Variants in CSNK1G1 observed in about 807,000 individuals in gnomAD.
CSNK1G1 encodes the protein casein kinase 1 gamma 1, also known as casein kinase I isoform gamma-1.
Under a neutral mutation model 59.6 loss-of-function variants are expected in CSNK1G1, and 22 were observed. The ratio of observed to expected loss-of-function variants is 0.37; its 90% CI spans 0.26 to 0.53. The LOEUF (loss-of-function observed/expected upper bound fraction) is 0.53, where lower values mean the gene tolerates loss of function less well. Among genes scored for constraint, CSNK1G1 ranks in the 20% least tolerant of loss-of-function variants. The pLI is 0.89. For missense variants in CSNK1G1, 384 were observed against 519.5 expected (o/e 0.74, Z 2.54); for synonymous variants, 179 against 177.1 (o/e 1.01, Z -0.08).
At chr15:64,297,842 T>C (rs1895111650) in intron 2 of CSNK1G1, among the ~76,000 whole-genome samples, 1 of 152,192 alleles carries the variant, frequency 6.6e-6, no homozygotes, top group African/African-American at 2.4e-5. Flanking sequence ...CTTTGGAATT[T>C]TGTAGTTTAC....
chr15:64,244,961 G>A (rs1891672738), intron 4 of CSNK1G1, among the ~76,000 whole-genome samples: 1 of 152,144 alleles, frequency 6.6e-6, no homozygotes, highest in Middle Eastern at 3.2e-3. Flanking sequence ...GAAGAGAGGA[G>A]AGAACCCAGA....
rs576169855 is a variant in CSNK1G1 at position 64,282,925 on chromosome 15, T to G, written c.181+17394A>C. Among the ~76,000 whole-genome samples the G allele has an allele frequency of 9.8e-5, 15 of 152,350 alleles. No individual in the cohort carries two copies. The South Asian group carries it at 1.2e-3, about 13-fold the overall frequency. On this transcript the variant is annotated intron_variant, in intron 2 of 11. Transcript: ENST00000303052. ...AATGTTGAGCATCAAGTCATATGCT[T>G]ACTAGTCATCCTTACATTGTTTCTG...
intron 4 of CSNK1G1, among the ~76,000 whole-genome samples, chr15:64,230,911 T>C (rs2082539318): frequency 6.6e-6 from 1 of 151,488 alleles, no homozygotes; most frequent in African/African-American, 2.4e-5. Context: ...GAGGCAGAGG[T>C]TGCAGTGAGC....
chr15:64,333,433 C>CAAAAAAAAAA (rs59451869), intron 1 of CSNK1G1, among the ~76,000 whole-genome samples: 1 of 23,086 alleles, frequency 4.3e-5, no homozygotes, highest in African/African-American at 2.4e-4. Flanking sequence ...GACACCATCT[C>CAAAAAAAAAA]AAAAAAAAAA....
At chr15:64,204,683 C>G in intron 8 of CSNK1G1, 94 bp from the exon 9 acceptor site, 1 of 1,364,176 alleles carries the variant, frequency 7.3e-7, no homozygotes, top group South Asian at 1.2e-5. Context: ...GTTATTTATA[C>G]AGACAATTTG....
At chr15:64,221,338 C>G (rs1258181674) in intron 4 of CSNK1G1, among the ~76,000 whole-genome samples, 1 of 152,144 alleles carries the variant, frequency 6.6e-6, no homozygotes, top group Non-Finnish European at 1.5e-5. Context: ...TCTAGATTAT[C>G]TTTTGCCAGA....
chr15:64,229,128 T>C (rs2082505680), intron 4 of CSNK1G1, among the ~76,000 whole-genome samples: 1 of 152,152 alleles, frequency 6.6e-6, no homozygotes, highest in Non-Finnish European at 1.5e-5. Context: ...TTAATAGTAG[T>C]ATAATAGTAT....
intron 1 of CSNK1G1, among the ~76,000 whole-genome samples, chr15:64,351,771 C>T (rs183920978): frequency 1.3e-5 from 2 of 151,956 alleles, no homozygotes; most frequent in African/African-American, 2.4e-5. Context: ...CCCAGCTAAT[C>T]GGGAGACTGA....
At chr15:64,177,376 G>A (rs1329151320) in intron 11 of CSNK1G1, among the ~76,000 whole-genome samples, 1 of 152,126 alleles carries the variant, frequency 6.6e-6, no homozygotes, top group African/African-American at 2.4e-5. Context: ...GATCAACCAG[G>A]TGGACACAGG....
intron 4 of CSNK1G1, among the ~76,000 whole-genome samples, chr15:64,234,397 T>C (rs2082588622): frequency 6.6e-6 from 1 of 152,202 alleles, no homozygotes. Context: ...GTTAGGCAGA[T>C]GTTGCTTTAA....
chr15:64,272,469 G>A (rs367627569), intron 2 of CSNK1G1, among the ~76,000 whole-genome samples: 6 of 151,916 alleles, frequency 3.9e-5, no homozygotes, highest in South Asian at 2.1e-4. Flanking sequence ...CGCCCACCTC[G>A]GCCTCCCAAA....
At chr15:64,263,573 A>G (rs1892813643) in intron 2 of CSNK1G1, among the ~76,000 whole-genome samples, 1 of 152,014 alleles carries the variant, frequency 6.6e-6, no homozygotes, top group Non-Finnish European at 1.5e-5. Flanking sequence ...TAAATTTTCC[A>G]TTTTTAGCCC....
chr15:64,212,914 G>A (rs1306716083), intron 6 of CSNK1G1, among the ~76,000 whole-genome samples: 3 of 151,860 alleles, frequency 2.0e-5, no homozygotes, highest in East Asian at 1.9e-4. Flanking sequence ...GCTGAGGCAG[G>A]AGAATTGCTT....
At chr15:64,183,487 C>A (rs1165700855) in intron 10 of CSNK1G1, among the ~76,000 whole-genome samples, 1 of 152,150 alleles carries the variant, frequency 6.6e-6, no homozygotes, top group Admixed American at 6.5e-5. Flanking sequence ...TACTGAACTG[C>A]AGGCAGTGGA....
At chr15:64,181,409 C>G in intron 10 of CSNK1G1, 1 of 1,532,532 alleles carries the variant, frequency 6.5e-7, no homozygotes, top group East Asian at 2.4e-5. Flanking sequence ...GGACAAAACA[C>G]TCTGCTTGTT....
intron 11 of CSNK1G1, among the ~76,000 whole-genome samples, chr15:64,177,471 T>G (rs1464826208): frequency 6.6e-6 from 1 of 152,214 alleles, no homozygotes; most frequent in Non-Finnish European, 1.5e-5. Flanking sequence ...CAAGATGGAT[T>G]GATAGCCCAT....
At chr15:64,206,079 G>C (rs1305761242) in intron 7 of CSNK1G1, among the ~76,000 whole-genome samples, 1 of 152,176 alleles carries the variant, frequency 6.6e-6, no homozygotes, top group South Asian at 2.1e-4. Flanking sequence ...GACCTAGATG[G>C]GTGATCACTT....
chr15:64,213,274 C>T (rs1193573432), intron 6 of CSNK1G1, among the ~76,000 whole-genome samples: 1 of 152,092 alleles, frequency 6.6e-6, no homozygotes, highest in Admixed American at 6.5e-5. Context: ...TGCTTGGTCT[C>T]CCCACTGTTC....
intron 2 of CSNK1G1, among the ~76,000 whole-genome samples, chr15:64,267,072 A>G (rs368215708): frequency 1.3e-5 from 2 of 152,068 alleles, no homozygotes; most frequent in African/African-American, 2.4e-5. Flanking sequence ...CCTGGCCAAC[A>G]TGGCGAAACC....
Sources: gnomAD v4.1 joint callset for allele counts (sites outside exome capture counted in the v4.1 genomes callset) on GRCh38, gnomAD v4.1.1 for gene constraint, MANE v1.5 for transcripts, NCBI Gene and HGNC (gene_info 2026-07-23, HGNC 2026-07-21) for gene names.